DPP3: variants seen among roughly 807,000 people sequenced by gnomAD.
DPP3 encodes DPP III.
DPP3 carries 64 observed loss-of-function variants against 89.8 expected under a neutral mutation model. The ratio of observed to expected loss-of-function variants is 0.71; its 90% CI spans 0.58 to 0.88. DPP3 has a LOEUF of 0.88. DPP3 is among the 40% of genes least tolerant of loss of function. DPP3 has a pLI of 0.00. For synonymous variants in DPP3, 377 were observed against 404.3 expected (o/e 0.93, Z 0.81); for missense variants, 835 against 972.5 (o/e 0.86, Z 1.88).
rs927397429 is a variant in DPP3 at position 66,504,872 on chromosome 11, C to T, written c.2041+98C>T. 2.1e-5 allele frequency: 28 copies of T among 1,306,334 alleles called. No homozygotes were observed. The African/African-American group carries it at 3.9e-4, about 18-fold the overall frequency. 80.9% of individuals were successfully genotyped at this position (1,306,334 alleles called of 1,614,324 possible). The stretch of plus-strand genomic sequence containing the variant: ...AACCCATCCCAGGGCTCAATAAGAA[C>T]CTAACCCAGCCTGGGATGGCCCTTC... On this transcript the variant is annotated intron_variant, in intron 17 of 17. Coordinates refer to ENST00000531863, the MANE Select transcript of DPP3 (RefSeq NM_130443.4).
chr11:66,503,344 C>T (rs1855725747), intron 16 of DPP3, among the ~76,000 whole-genome samples: 1 of 152,140 alleles, frequency 6.6e-6, no homozygotes, highest in Non-Finnish European at 1.5e-5. Context: ...AAACGAGAAA[C>T]ATTAGCTTTA....
intron 17 of DPP3, among the ~76,000 whole-genome samples, chr11:66,508,878 C>T (rs1356267359): frequency 2.0e-5 from 3 of 152,134 alleles, no homozygotes; most frequent in African/African-American, 7.2e-5. Context: ...ATTTAATACT[C>T]CCCCTGTAGT....
Position 66,491,273 on chromosome 11 carries a change from G to A in DPP3, c.688G>A (p.Val230Met). 1.2e-6 allele frequency: 2 copies of A among 1,613,650 alleles called. No individual in the cohort carries two copies. The highest frequency in any genetic ancestry group is 1.7e-6 in the Non-Finnish European group (2 of 1,179,952). Residue 230 changes from valine to methionine, a missense_variant, in exon 7 of 18, where the codon GTG (valine) becomes ATG (methionine). Coordinates refer to ENST00000531863, the MANE Select transcript of DPP3 (RefSeq NM_130443.4). Reference protein sequence around the residue: ...LGSEPSLDSEVTSKLKSYEFR... With the variant: ...LGSEPSLDSEMTSKLKSYEFR... The stretch of plus-strand genomic sequence containing the variant: ...CCCAGAGCCTTCCCTGGACTCTGAG[G>A]TGACTTCCAAGCTGAAGAGCTATGA...
Position 66,495,383 on chromosome 11 carries a change from A to C in DPP3, c.1471A>C (p.Ser491Arg). Residue 491 changes from serine (S) to arginine (R), a missense_variant, in exon 14 of 18, where the codon AGC becomes CGC. Transcript: ENST00000531863. ...TGEQIQSWYR[S>R]GETWDSKFST... Reference sequence around the variant, plus strand: ...TTTCCAGATTCAGAGCTGGTATCGGAGCGGGGAGACCTGGGATAGCAAGTT... The same window carrying C: ...TTTCCAGATTCAGAGCTGGTATCGGCGCGGGGAGACCTGGGATAGCAAGTT... 1.2e-6 allele frequency: 2 copies of C among 1,613,784 alleles called. No individual in the cohort carries two copies. Among genetic ancestry groups the C allele is most frequent in the South Asian group, 1.1e-5 (1 of 91,074 alleles).
At position 66,493,131 on chromosome 11, in the gene DPP3, C is replaced by T; in HGVS notation, c.1248C>T (p.Ala416=). 1.2e-6 allele frequency: 2 copies of T among 1,614,124 alleles called. No individual in the cohort carries two copies. The highest frequency in any genetic ancestry group is 1.7e-6 in the Non-Finnish European group (2 of 1,180,050). ...NVSLGNVLAV[A]YATQREKLTF... ...CGCTGGGGAATGTGCTGGCTGTGGCCTACGCCACGCAGCGGGAGAAGCTTA... is the reference window on the plus strand; with the variant it reads ...CGCTGGGGAATGTGCTGGCTGTGGCTTACGCCACGCAGCGGGAGAAGCTTA... The change falls in exon 11 of 18, where the codon GCC becomes GCT. Residue 416 remains alanine, a synonymous_variant. Coordinates refer to ENST00000531863, the MANE Select transcript of DPP3 (RefSeq NM_130443.4).
intron 16 of DPP3, among the ~76,000 whole-genome samples, chr11:66,500,294 C>T (rs543073079): frequency 3.9e-5 from 6 of 152,220 alleles, no homozygotes; most frequent in African/African-American, 1.4e-4. Flanking sequence ...GTGGAGGTTG[C>T]AGTGAGCCAA....
At chr11:66,507,424 G>A (rs148783282) in intron 17 of DPP3, among the ~76,000 whole-genome samples, 9,598 of 151,628 alleles carry the variant, frequency 0.063, 735 homozygotes, top group Admixed American at 0.23. Context: ...CCAAGATTGC[G>A]TCACTGCACT....
intron 16 of DPP3, among the ~76,000 whole-genome samples, chr11:66,499,235 T>C (rs2444846): frequency 0.63 from 95,951 of 151,374 alleles, 31,320 homozygotes; most frequent in African/African-American, 0.79. Flanking sequence ...TGGTGGCTGG[T>C]GCCTGTAATC....
chr11:66,482,487 C>A lies in DPP3; in HGVS notation c.270+17C>A. On this transcript the variant is annotated intron_variant, in intron 2 of 17. Transcript: ENST00000531863. ...GAGTATCAGGTCAGTTCTCTTGGGCCAACCCACATTACCTGAGTGGCTTCT... is the reference window on the plus strand; with the variant it reads ...GAGTATCAGGTCAGTTCTCTTGGGCAAACCCACATTACCTGAGTGGCTTCT... 6.3e-7 allele frequency: 1 copy of A among 1,597,412 alleles called. No homozygotes were observed. The highest frequency in any genetic ancestry group is 8.5e-7 in the Non-Finnish European group (1 of 1,176,070).
intron 2 of DPP3, chr11:66,483,025 TA>T (rs11285363): frequency 0.22 from 31,752 of 144,588 alleles, 3,943 homozygotes; most frequent in East Asian, 0.24. Flanking sequence ...CTCTCTTTTT[TA>T]TTTTTTATTT....
intron 1 of DPP3, chr11:66,481,164 A>T (rs1347419330): frequency 2.0e-5 from 3 of 152,168 alleles, no homozygotes; most frequent in Non-Finnish European, 2.9e-5. Context: ...CTGGCACTTT[A>T]TCCTTGTGAG....
rs1590738922 is a variant in DPP3, at chr11:66,493,229, A to G, written c.1296+50A>G. On this transcript the variant is annotated intron_variant, in intron 11 of 17. Coordinates refer to ENST00000531863, the MANE Select transcript of DPP3 (RefSeq NM_130443.4). ...GGGGCTGGGCCTCACCTTCCTCAGC[A>G]GACTCAGGAAGAGAGACAGCCCAGA... 10 of 1,497,856 alleles carry G rather than the reference A, an allele frequency of 6.7e-6. No individual in the cohort carries two copies. The Admixed American group carries it at 9.1e-5, about 14-fold the overall frequency. 92.8% of individuals were successfully genotyped at this position (1,497,856 alleles called of 1,614,324 possible).
intron 16 of DPP3, among the ~76,000 whole-genome samples, chr11:66,502,310 G>A (rs1247658318): frequency 1.3e-5 from 2 of 151,440 alleles, no homozygotes; most frequent in Admixed American, 6.6e-5. Context: ...ATGAGTGTCC[G>A]TCTTTTTTTT....
intron 6 of DPP3, among the ~76,000 whole-genome samples, chr11:66,489,108 G>A (rs957092647): frequency 2.0e-5 from 3 of 152,088 alleles, no homozygotes; most frequent in Non-Finnish European, 2.9e-5. Flanking sequence ...CAGGTGATCC[G>A]CGTGCCTCTC....
intron 16 of DPP3, among the ~76,000 whole-genome samples, chr11:66,502,662 C>T (rs992362075): frequency 1.3e-5 from 2 of 152,142 alleles, no homozygotes; most frequent in Admixed American, 6.6e-5. Context: ...TGGGGTTTCA[C>T]CCCATGTTAG....
In DPP3 at chr11:66,491,565, C is replaced by G. The variant is rs200467563; in HGVS notation, c.870C>G (p.Ile290Met). 2.5e-6 allele frequency: 4 copies of G among 1,613,740 alleles called. No individual in the cohort carries two copies. The highest frequency in any genetic ancestry group is 3.4e-6 in the Non-Finnish European group (4 of 1,179,868). Residue 290 changes from isoleucine to methionine, a missense_variant, in exon 8 of 18, where the codon ATC becomes ATG. Physicochemically the swap from Ile to Met is conservative, Grantham distance 10 (BLOSUM62 1). Coordinates refer to ENST00000531863, the MANE Select transcript of DPP3 (RefSeq NM_130443.4). ...QYIESFTQGS[I>M]EAHKRGSRFW... ...TAGAGAGCTTCACCCAGGGCTCCAT[C>G]GAGGCCCACAAGAGGGGCTCCCGCT... is the stretch of plus-strand genomic sequence containing the variant.
intron 3 of DPP3, among the ~76,000 whole-genome samples, chr11:66,486,296 T>G (rs1246650614): frequency 2.3e-4 from 35 of 152,064 alleles, no homozygotes; most frequent in Admixed American, 2.3e-3. Flanking sequence ...CCCAGGCTTG[T>G]CTTGAACTCC....
At chr11:66,504,258 C>CT (rs919541418) in intron 16 of DPP3, among the ~76,000 whole-genome samples, 22 of 151,112 alleles carry the variant, frequency 1.5e-4, no homozygotes, top group African/African-American at 2.9e-4. Context: ...CATGGCTGGC[C>CT]TTTTTTTTTC....
intron 9 of DPP3, 68 bp from the exon 10 acceptor site, chr11:66,492,648 C>G: frequency 6.6e-7 from 1 of 1,509,048 alleles, no homozygotes; most frequent in Non-Finnish European, 8.9e-7. Context: ...TGCGTGATGG[C>G]TGGAGTAGGG....
Sources: allele counts gnomAD v4.1 joint callset (sites outside exome capture counted in the v4.1 genomes callset), GRCh38; gene constraint gnomAD v4.1.1; transcripts MANE v1.5; gene names NCBI Gene and HGNC (gene_info 2026-07-23, HGNC 2026-07-21).